The following DMTF1 variants were observed in gnomAD, a reference collection of about 807,000 sequenced individuals.
The protein encoded by DMTF1 is cyclin D binding myb like transcription factor 1.
In DMTF1, 39 loss-of-function variants were observed where a neutral mutation model predicts 91.1. The observed-to-expected ratio is 0.43, with a 90% CI of 0.33 to 0.56. The LOEUF (loss-of-function observed/expected upper bound fraction) is 0.56, where lower values mean the gene tolerates loss of function less well. Ranked by LOEUF, DMTF1 falls within the 20% of genes least tolerant of loss-of-function variation. The probability of loss-of-function intolerance (pLI) is 0.05; values close to 1 mark genes in which losing one functional copy is unlikely to be tolerated. For missense variants in DMTF1, 750 were observed against 914.5 expected (o/e 0.82, Z 2.32); for synonymous variants, 338 against 309.5 (o/e 1.09, Z -0.97).
At chr7:87,152,856 T>C (rs1033006860) in intron 1 of DMTF1, 1 of 155,202 alleles carries the variant, frequency 6.4e-6, no homozygotes, top group African/African-American at 2.4e-5. Context: ...TGGCGGCGGC[T>C]TCGGAGGAGC....
chr7:87,169,207 C>G (rs1208661457), intron 4 of DMTF1, among the ~76,000 whole-genome samples: 2 of 152,158 alleles, frequency 1.3e-5, no homozygotes, highest in East Asian at 3.9e-4. Context: ...GCCTATAATC[C>G]CAGCACTTTG....
intron 8 of DMTF1, among the ~76,000 whole-genome samples, chr7:87,180,319 C>T (rs1173181785): frequency 6.6e-6 from 1 of 152,156 alleles, no homozygotes; most frequent in African/African-American, 2.4e-5. Flanking sequence ...AATGAAAGTA[C>T]ATTTGAAAGC....
chr7:87,190,868 TAC>T (rs920327009), intron 13 of DMTF1, 75 bp from the exon 14 acceptor site: 10 of 1,209,950 alleles, frequency 8.3e-6, no homozygotes, highest in Admixed American at 2.2e-5. Context: ...GATAATTGAG[TAC>T]ACTAGAGAAA....
chr7:87,178,787 TA>T (rs1277453065), intron 7 of DMTF1, among the ~76,000 whole-genome samples: 77 of 144,204 alleles, frequency 5.3e-4, no homozygotes, highest in Admixed American at 3.2e-3. Flanking sequence ...TTTTTTTTTT[TA>T]AACTTTTGAT....
chr7:87,156,201 T>C (rs1414625676), intron 1 of DMTF1, among the ~76,000 whole-genome samples: 6 of 152,154 alleles, frequency 3.9e-5, no homozygotes, highest in African/African-American at 1.2e-4. Flanking sequence ...AAGTGAAAAA[T>C]AACATTTTTG....
chr7:87,190,315 A>G (rs1178963589), intron 13 of DMTF1, among the ~76,000 whole-genome samples: 1 of 152,060 alleles, frequency 6.6e-6, no homozygotes, highest in African/African-American at 2.4e-5. Flanking sequence ...AAAAAAAAAA[A>G]TACCTGAACA....
chr7:87,175,981 G>A (rs1192461618), intron 7 of DMTF1, among the ~76,000 whole-genome samples: 1 of 152,182 alleles, frequency 6.6e-6, no homozygotes, highest in Non-Finnish European at 1.5e-5. Context: ...GGCCATCTCT[G>A]TAATGGAGTT....
intron 4 of DMTF1, among the ~76,000 whole-genome samples, chr7:87,170,746 C>T (rs1394103375): frequency 6.6e-6 from 1 of 152,184 alleles, no homozygotes; most frequent in African/African-American, 2.4e-5. Flanking sequence ...CACTAGAATA[C>T]AGGCTCCATG....
At chr7:87,186,962 GTT>G (rs1227803637) in intron 12 of DMTF1, 1 of 152,166 alleles carries the variant, frequency 6.6e-6, no homozygotes, top group African/African-American at 2.4e-5. Context: ...AGCTAGGTGT[GTT>G]AGAGAAATTC....
intron 17 of DMTF1, 89 bp downstream of exon 17, chr7:87,194,917 T>C (rs752573211): frequency 3.3e-5 from 48 of 1,472,252 alleles, no homozygotes; most frequent in Non-Finnish European, 4.3e-5. Context: ...TCTTTCTTGA[T>C]CCAATAAGCT....
intron 1 of DMTF1, among the ~76,000 whole-genome samples, chr7:87,153,979 G>C (rs1366181692): frequency 6.6e-6 from 1 of 152,080 alleles, no homozygotes; most frequent in Non-Finnish European, 1.5e-5. Context: ...GAGGATTACT[G>C]TCTTTTAATA....
At chr7:87,154,584 T>C (rs577103092) in intron 1 of DMTF1, 1 of 152,806 alleles carries the variant, frequency 6.5e-6, no homozygotes, top group Non-Finnish European at 1.5e-5. Context: ...GTTGCAGTTA[T>C]ATGAATACAT....
intron 1 of DMTF1, among the ~76,000 whole-genome samples, chr7:87,157,105 C>T (rs1385867460): frequency 6.6e-6 from 1 of 152,026 alleles, no homozygotes; most frequent in East Asian, 1.9e-4. Flanking sequence ...TTTTCTTATA[C>T]TGTATTGGGT....
chr7:87,194,785 T>A lies in DMTF1; in HGVS notation c.2130T>A (p.Asp710Glu), dbSNP rs1174632600. 1.2e-6 allele frequency: 2 copies of A among 1,612,178 alleles called. No individual in the cohort carries two copies. The highest frequency in any genetic ancestry group is 2.7e-5 in the African/African-American group (2 of 74,796). The change falls in exon 17 of 18, where the codon GAT becomes GAA. Residue 710 changes from aspartate (D) to glutamate (E), a missense_variant. Around this residue, in one of 3 missense-constraint regions of DMTF1, gnomAD observed 410 missense variants for 420.2 expected, o/e 0.98. Coordinates refer to ENST00000331242, the MANE Select transcript of DMTF1 (RefSeq NM_001142327.2). ...PSPHGFIQAS[D>E]VIDTESVLPL... ...CACATGGCTTTATCCAGGCATCTGA[T>A]GTTATAGATACTGAATCTGTCTTGC...
chr7:87,184,520 C>T lies in DMTF1; in HGVS notation c.944C>T (p.Thr315Ile). The T allele has an allele frequency of 6.2e-7, 1 of 1,613,970 alleles. No individual in the cohort carries two copies. The highest frequency in any genetic ancestry group is 8.5e-7 in the Non-Finnish European group (1 of 1,179,968). Residue 315 changes from threonine (T) to isoleucine (I), a missense_variant, in exon 11 of 18, where the codon ACC becomes ATC. Physicochemically the swap from Thr to Ile is moderately conservative, Grantham distance 89. Transcript: ENST00000331242. ...GCAGCTGTGGCTGAACGAGTCGGTA[C>T]CCGCTCAGAAAAGCAATGTCGTTCT... is the stretch of plus-strand genomic sequence containing the variant. ...SWAAVAERVG[T>I]RSEKQCRSKW...
At chr7:87,185,103 A>C (rs1176113680) in intron 11 of DMTF1, 10 of 249,360 alleles carry the variant, frequency 4.0e-5, no homozygotes, top group Non-Finnish European at 6.5e-5. Flanking sequence ...CATCCATTTC[A>C]TACAAATTCA....
At chr7:87,180,874 T>G (rs2129143607) in intron 8 of DMTF1, among the ~76,000 whole-genome samples, 1 of 150,602 alleles carries the variant, frequency 6.6e-6, no homozygotes, top group South Asian at 2.1e-4. Context: ...TTTTTTTTTT[T>G]TTTGAGACAG....
At chr7:87,165,311 A>G (rs1329465488) in intron 3 of DMTF1, among the ~76,000 whole-genome samples, 1 of 152,242 alleles carries the variant, frequency 6.6e-6, no homozygotes, top group African/African-American at 2.4e-5. Flanking sequence ...TGGTACCAGC[A>G]GCATAGTTAA....
intron 1 of DMTF1, among the ~76,000 whole-genome samples, chr7:87,160,638 A>G (rs114767980): frequency 4.3e-4 from 66 of 152,170 alleles, no homozygotes; most frequent in African/African-American, 1.6e-3. Context: ...TTCTGCCTCT[A>G]CTACTCCCAC....
Sources: allele counts gnomAD v4.1 joint callset (sites outside exome capture counted in the v4.1 genomes callset), GRCh38; gene constraint gnomAD v4.1.1; regional missense constraint gnomAD v4.1.1; transcripts MANE v1.5; gene names NCBI Gene and HGNC (gene_info 2026-07-23, HGNC 2026-07-21).